The following SMYD3 variants were observed in gnomAD, a reference collection of about 807,000 sequenced individuals.
SMYD3 encodes the protein histone-lysine N-methyltransferase SMYD3.
SMYD3 carries 36 observed loss-of-function variants against 57.7 expected under a neutral mutation model. The observed-to-expected ratio is 0.62, with a 90% CI of 0.48 to 0.82. SMYD3 has a LOEUF of 0.82. Among genes scored for constraint, SMYD3 ranks in the 40% least tolerant of loss-of-function variants. The probability of loss-of-function intolerance (pLI) is 0.00; values close to 1 mark genes in which losing one functional copy is unlikely to be tolerated. For synonymous variants in SMYD3, 211 were observed against 195.0 expected (o/e 1.08, Z -0.68); for missense variants, 515 against 538.8 (o/e 0.96, Z 0.44).
chr1:245,857,270 G>T (rs1023656184), intron 10 of SMYD3, among the ~76,000 whole-genome samples: 5 of 152,198 alleles, frequency 3.3e-5, no homozygotes, highest in African/African-American at 4.8e-5. Context: ...TGGAGCCTCT[G>T]CCGTCTTCGG....
intron 1 of SMYD3, among the ~76,000 whole-genome samples, chr1:246,356,096 T>G (rs1332469314): frequency 4.0e-5 from 6 of 151,516 alleles, no homozygotes; most frequent in East Asian, 3.9e-4. Context: ...TTCACGCCCC[T>G]GCTACCTCCA....
At chr1:245,867,824 G>T (rs1472845875) in intron 8 of SMYD3, among the ~76,000 whole-genome samples, 1 of 152,208 alleles carries the variant, frequency 6.6e-6, no homozygotes, top group Non-Finnish European at 1.5e-5. Context: ...TTTAAAGGAG[G>T]TGAAGGAGTA....
intron 5 of SMYD3, among the ~76,000 whole-genome samples, chr1:246,040,853 G>A (rs866704219): frequency 5.9e-5 from 9 of 151,978 alleles, no homozygotes; most frequent in Admixed American, 3.9e-4. Flanking sequence ...GTAAAATATC[G>A]CACAAATAGC....
chr1:246,462,243 TGCTGGGTACAGTGCATCCTCCC>T (rs2067810247), intron 1 of SMYD3, among the ~76,000 whole-genome samples: 1 of 82,490 alleles, frequency 1.2e-5, no homozygotes, highest in Non-Finnish European at 2.9e-5. Flanking sequence ...CCGCGGGGCC[TGCTGGGTACAGTGCATCCTCCC>T]GCGGGGCCTG....
At chr1:245,815,615 T>C (rs565422143) in intron 10 of SMYD3, among the ~76,000 whole-genome samples, 5 of 152,202 alleles carry the variant, frequency 3.3e-5, no homozygotes, top group African/African-American at 7.2e-5. Context: ...TGGCTGGTGG[T>C]AGAAGCAACC....
At chr1:245,910,455 T>C (rs1188539028) in intron 8 of SMYD3, among the ~76,000 whole-genome samples, 3 of 151,960 alleles carry the variant, frequency 2.0e-5, no homozygotes, top group South Asian at 2.1e-4. Context: ...CGGAAATTCA[T>C]ATGGAACAAC....
At chr1:246,239,254 C>G (rs1246719269) in intron 5 of SMYD3, among the ~76,000 whole-genome samples, 3 of 152,138 alleles carry the variant, frequency 2.0e-5, no homozygotes, top group Non-Finnish European at 4.4e-5. Context: ...CCTCTACCCC[C>G]ACCCCATGAC....
intron 8 of SMYD3, among the ~76,000 whole-genome samples, chr1:245,915,178 C>A (rs1350024691): frequency 2.6e-5 from 4 of 152,126 alleles, no homozygotes; most frequent in Non-Finnish European, 5.9e-5. Context: ...ATGTTGTTTA[C>A]CGAGCAATAA....
chr1:246,244,067 A>T (rs901128498), intron 5 of SMYD3, among the ~76,000 whole-genome samples: 1 of 151,564 alleles, frequency 6.6e-6, no homozygotes, highest in Non-Finnish European at 1.5e-5. Flanking sequence ...TATATGAGTT[A>T]AAAAAACATT....
At chr1:246,462,724 G>A (rs2067820967) in intron 1 of SMYD3, among the ~76,000 whole-genome samples, 1 of 152,164 alleles carries the variant, frequency 6.6e-6, no homozygotes, top group African/African-American at 2.4e-5. Context: ...TCAGGATTCA[G>A]AGAAATCTTA....
At chr1:246,378,737 T>TATAATATAATATATTATAG (rs2066325421) in intron 1 of SMYD3, among the ~76,000 whole-genome samples, 1 of 96,574 alleles carries the variant, frequency 1.0e-5, no homozygotes, top group Non-Finnish European at 1.9e-5. Context: ...ATATATTATA[T>TATAATATAATATATTATAG]ATAATTATAT....
intron 5 of SMYD3, among the ~76,000 whole-genome samples, chr1:245,980,795 T>C (rs1288936410): frequency 6.6e-6 from 1 of 152,222 alleles, no homozygotes; most frequent in Non-Finnish European, 1.5e-5. Flanking sequence ...CCAGACTGTA[T>C]GATATGGATT....
At chr1:246,296,284 A>G (rs2064793329) in intron 5 of SMYD3, among the ~76,000 whole-genome samples, 1 of 152,202 alleles carries the variant, frequency 6.6e-6, no homozygotes, top group Non-Finnish European at 1.5e-5. Flanking sequence ...AAGAAATGGT[A>G]ACACTTGCCC....
chr1:245,759,961 T>C (rs1220370808), intron 11 of SMYD3, among the ~76,000 whole-genome samples: 1 of 152,078 alleles, frequency 6.6e-6, no homozygotes, highest in Non-Finnish European at 1.5e-5. Flanking sequence ...GTCAAATTAG[T>C]AGCAAACAAA....
At chr1:246,171,261 C>G (rs1423470519) in intron 5 of SMYD3, among the ~76,000 whole-genome samples, 4 of 152,086 alleles carry the variant, frequency 2.6e-5, no homozygotes, top group Non-Finnish European at 5.9e-5. Context: ...CAAGTTTATC[C>G]TATCAATTGT....
intron 5 of SMYD3, among the ~76,000 whole-genome samples, chr1:246,204,425 T>C (rs1329347882): frequency 3.9e-5 from 6 of 152,188 alleles, no homozygotes; most frequent in Non-Finnish European, 8.8e-5. Context: ...GTCTCTATAT[T>C]TCCAGTGCTG....
intron 5 of SMYD3, among the ~76,000 whole-genome samples, chr1:246,018,698 G>A (rs1475454212): frequency 1.3e-5 from 2 of 151,838 alleles, no homozygotes; most frequent in African/African-American, 2.4e-5. Flanking sequence ...TTCAAATTCC[G>A]GGGCTCATGC....
intron 10 of SMYD3, among the ~76,000 whole-genome samples, chr1:245,772,947 G>A (rs2046396141): frequency 6.6e-6 from 1 of 152,026 alleles, no homozygotes; most frequent in Admixed American, 6.5e-5. Context: ...AGATTGGAGA[G>A]CATCTGGAAA....
intron 5 of SMYD3, among the ~76,000 whole-genome samples, chr1:246,060,049 G>A (rs1354283656): frequency 6.6e-6 from 1 of 152,112 alleles, no homozygotes; most frequent in Non-Finnish European, 1.5e-5. Context: ...ATATTAGGAG[G>A]CCGAAGTGGA....
Sources: gnomAD v4.1 joint callset for allele counts (sites outside exome capture counted in the v4.1 genomes callset) on GRCh38, gnomAD v4.1.1 for gene constraint, MANE v1.5 for transcripts, NCBI Gene and HGNC (gene_info 2026-07-23, HGNC 2026-07-21) for gene names.